OR10A6: variants seen among roughly 807,000 people sequenced by gnomAD.
OR10A6 encodes the protein olfactory receptor family 10 subfamily A member 6 (gene/pseudogene).
Under a neutral mutation model 1.5 loss-of-function variants are expected in OR10A6, and 2 were observed. That is an observed-to-expected ratio of 1.31 (90% CI 0.54 to 4.13). The LOEUF (loss-of-function observed/expected upper bound fraction) is 4.13, where lower values mean the gene tolerates loss of function less well. Among genes scored for constraint, OR10A6 ranks in the 30% most tolerant of loss-of-function variants. The pLI, the probability that OR10A6 is intolerant of heterozygous loss-of-function variation, is 0.07. For synonymous variants in OR10A6, 169 were observed against 137.3 expected (o/e 1.23, Z -1.61); for missense variants, 492 against 368.6 (o/e 1.33, Z -2.74).
Position 7,927,511 on chromosome 11 carries a change from A to G in OR10A6, c.*207T>C, listed in dbSNP as rs529508675. 159 of 456,222 alleles carry G rather than the reference A, an allele frequency of 3.5e-4. No homozygotes were observed. Among genetic ancestry groups the G allele is most frequent in the African/African-American group, 2.3e-3 (117 of 50,558 alleles). 28.3% of individuals were successfully genotyped at this position (456,222 alleles called of 1,614,324 possible). A position where few individuals can be genotyped will look rare whatever the true frequency, so the allele number is the denominator to read the frequency against. ...AAACAAATTGTTGAAATTGTGTTAT[A>G]TTCAATATTAAGGAATATTATGCAC... On this transcript the variant is annotated 3_prime_UTR_variant, in exon 4 of 4. Transcript: ENST00000641238.
At position 7,928,058 on chromosome 11, in the gene OR10A6, C is replaced by A; in HGVS notation, c.605G>T (p.Gly202Val). 1 of 1,613,798 alleles carries A rather than the reference C, an allele frequency of 6.2e-7. No individual in the cohort carries two copies. The highest frequency in any genetic ancestry group is 1.1e-5 in the South Asian group (1 of 91,066). The change falls in exon 4 of 4, where the codon GGC becomes GTC. Residue 202 changes from glycine (G) to valine (V), a missense_variant. Coordinates refer to ENST00000641238, the MANE Select transcript of OR10A6 (RefSeq NM_001004461.2). ...AGGAACCAAAATAATCAAAAAGGTGCCTGTGAATGCATAGATTTCAAACAA... is the reference window on the plus strand; with the variant it reads ...AGGAACCAAAATAATCAAAAAGGTGACTGTGAATGCATAGATTTCAAACAA... ...TFLFEIYAFT[G>V]TFLIILVPFL...
chr11:7,928,392 T>C lies in OR10A6; in HGVS notation c.271A>G (p.Thr91Ala). Residue 91 changes from threonine (T) to alanine (A), a missense_variant, in exon 4 of 4, where the codon ACA becomes GCA. Transcript: ENST00000641238. ...MLVVLSTEKTTISFGGCFAQM... is the reference protein window; with the variant it reads ...MLVVLSTEKTAISFGGCFAQM... ...GCAAAACAGCCCCCAAAAGAAATTGTAGTTTTTTCAGTAGAGAGGACCACC... is the reference window on the plus strand; with the variant it reads ...GCAAAACAGCCCCCAAAAGAAATTGCAGTTTTTTCAGTAGAGAGGACCACC... 1 of 1,613,996 alleles carries C rather than the reference T, an allele frequency of 6.2e-7. No individual in the cohort carries two copies. The highest frequency in any genetic ancestry group is 8.5e-7 in the Non-Finnish European group (1 of 1,179,956).
chr11:7,928,675 A>G lies in OR10A6; in HGVS notation c.-13T>C, dbSNP rs781072356. ...TTTGTCTTTCCATTTTCAGTAATGA[A>G]GTCGTGCATTGATTTTATGGACATA... is the stretch of plus-strand genomic sequence containing the variant. On this transcript the variant is annotated 5_prime_UTR_variant, in exon 4 of 4. Coordinates refer to ENST00000641238, the MANE Select transcript of OR10A6 (RefSeq NM_001004461.2). 6.4e-7 allele frequency: 1 copy of G among 1,567,882 alleles called. No individual in the cohort carries two copies. The highest frequency in any genetic ancestry group is 1.2e-5 in the South Asian group (1 of 85,076).
In OR10A6 at chr11:7,925,713, G is replaced by A. The variant is rs923512185; in HGVS notation, c.*2005C>T. ...GTTTTACATAAGTCTTACTTAATTG[G>A]TTCTTTTAAAAGCTATCAGAAGGAA... On this transcript the variant is annotated 3_prime_UTR_variant, in exon 4 of 4. Coordinates refer to ENST00000641238, the MANE Select transcript of OR10A6 (RefSeq NM_001004461.2). 1 of 152,108 alleles carries A rather than the reference G, an allele frequency of 6.6e-6. No individual in the cohort carries two copies. The highest frequency in any genetic ancestry group is 1.9e-4 in the East Asian group (1 of 5,194). The allele number at this position is 152,108 out of a possible 1,614,324, so 9.4% of individuals were successfully genotyped here.
rs1859436269 is a variant in OR10A6 at position 7,927,720 on chromosome 11, A to G, written c.943T>C (p.Ter315ArgextTer3). 1.9e-6 allele frequency: 3 copies of G among 1,599,972 alleles called. No homozygotes were observed. Among genetic ancestry groups the G allele is most frequent in the Non-Finnish European group, 2.6e-6 (3 of 1,167,608 alleles). The change falls in exon 4 of 4, where the codon TGA (stop) becomes CGA (arginine). Residue 315 changes from the stop codon to arginine, a stop_lost. Transcript: ENST00000641238. ...TCTTACATGGCTTCTCAACACAGTC[A>G]GATTGTGTGTAAAACCACTCGCCTT... ...WRRRVVLHTI[*>R] is the part of the protein sequence containing the mutation.
rs567512009 is a variant in OR10A6, at chr11:7,925,679, G to A, written c.*2039C>T. The A allele has an allele frequency of 3.3e-5, 5 of 152,300 alleles. No individual in the cohort carries two copies. Among genetic ancestry groups the A allele is most frequent in the African/African-American group, 1.2e-4 (5 of 41,572 alleles). 9.4% of individuals were successfully genotyped at this position (152,300 alleles called of 1,614,324 possible). On this transcript the variant is annotated 3_prime_UTR_variant, in exon 4 of 4. Coordinates refer to ENST00000641238, the MANE Select transcript of OR10A6 (RefSeq NM_001004461.2). ...AGCTTCCTTTGTTTGTTTCTTTGCT[G>A]ATTTGTTCGTTTTACATAAGTCTTA...
In OR10A6 at chr11:7,928,463, G is replaced by C. The variant is rs1429751640; in HGVS notation, c.200C>G (p.Ser67Cys). The C allele has an allele frequency of 3.7e-6, 6 of 1,613,852 alleles. No homozygotes were observed. The South Asian group carries it at 6.6e-5, about 18-fold the overall frequency. Residue 67 changes from serine (S) to cysteine (C), a missense_variant, in exon 4 of 4, where the codon TCT (serine) becomes TGT (cysteine). Ser to Cys is a moderately radical substitution (Grantham distance 112). Transcript: ENST00000641238. ...VPMYLFLLNL[S>C]VVDLSFSAVI... Reference sequence around the variant, plus strand: ...TGCACTGAAACTCAGGTCCACCACAGATAAGTTCAGGAGAAACAGGTACAT... The same window carrying C: ...TGCACTGAAACTCAGGTCCACCACACATAAGTTCAGGAGAAACAGGTACAT...
Position 7,929,975 on chromosome 11 carries a change from T to TATATATATATATATATATAC in OR10A6, c.-1314_-1313insGTATATATATATATATATAT, listed in dbSNP as rs1859502699. The TATATATATATATATATATAC allele has an allele frequency of 2.6e-4, 9 of 35,222 alleles. No homozygotes were observed. Among genetic ancestry groups the TATATATATATATATATATAC allele is most frequent in the African/African-American group, 7.1e-4 (9 of 12,596 alleles). 2.2% of individuals were successfully genotyped at this position (35,222 alleles called of 1,614,324 possible). On this transcript the variant is annotated 5_prime_UTR_variant, in exon 4 of 4. It adds an upstream start codon to the 5' untranslated region. Coordinates refer to ENST00000641238, the MANE Select transcript of OR10A6 (RefSeq NM_001004461.2). The stretch of plus-strand genomic sequence containing the variant: ...GTATGTGTATGTGTATGTATATATA[T>TATATATATATATATATATAC]ATATATATATATATATATAAAATCC...
chr11:7,927,696 C>G lies in OR10A6; in HGVS notation c.*22G>C, dbSNP rs376417938. 1 of 1,521,956 alleles carries G rather than the reference C, an allele frequency of 6.6e-7. No individual in the cohort carries two copies. The highest frequency in any genetic ancestry group is 1.4e-5 in the African/African-American group (1 of 73,040). The allele number at this position is 1,521,956 out of a possible 1,614,324, so 94.3% of individuals were successfully genotyped here. ...GAATACAGTCATGCAGTGACTAAATCTTACATGGCTTCTCAACACAGTCAG... is the reference window on the plus strand; with the variant it reads ...GAATACAGTCATGCAGTGACTAAATGTTACATGGCTTCTCAACACAGTCAG... On this transcript the variant is annotated 3_prime_UTR_variant, in exon 4 of 4. Transcript: ENST00000641238.
rs1164447835 is a variant in OR10A6, at chr11:7,925,660, C to T, written c.*2058G>A. On this transcript the variant is annotated 3_prime_UTR_variant, in exon 4 of 4. Coordinates refer to ENST00000641238, the MANE Select transcript of OR10A6 (RefSeq NM_001004461.2). ...AAAAAGACTTTCTGTATTTAGCTTCCTTTGTTTGTTTCTTTGCTGATTTGT... is the reference window on the plus strand; with the variant it reads ...AAAAAGACTTTCTGTATTTAGCTTCTTTTGTTTGTTTCTTTGCTGATTTGT... 6.6e-6 allele frequency: 1 copy of T among 152,028 alleles called. No individual in the cohort carries two copies. The highest frequency in any genetic ancestry group is 6.6e-5 in the Admixed American group (1 of 15,266). The allele number at this position is 152,028 out of a possible 1,614,324, so 9.4% of individuals were successfully genotyped here. A position where few individuals can be genotyped will look rare whatever the true frequency, so the allele number is the denominator to read the frequency against.
rs2133606994 is a variant in OR10A6, at chr11:7,928,089, T to C, written c.574A>G (p.Thr192Ala). Residue 192 changes from threonine (T) to alanine (A), a missense_variant, in exon 4 of 4, where the codon ACG becomes GCG. Coordinates refer to ENST00000641238, the MANE Select transcript of OR10A6 (RefSeq NM_001004461.2). Reference sequence around the variant, plus strand: ...AATGCATAGATTTCAAACAAAAACGTGTCTGCACATGCAAGTTCTAACACT... The same window carrying C: ...AATGCATAGATTTCAAACAAAAACGCGTCTGCACATGCAAGTTCTAACACT... ...PAVLELACADTFLFEIYAFTG... is the reference protein window; with the variant it reads ...PAVLELACADAFLFEIYAFTG... 1 of 1,613,960 alleles carries C rather than the reference T, an allele frequency of 6.2e-7. No individual in the cohort carries two copies. The highest frequency in any genetic ancestry group is 2.2e-5 in the East Asian group (1 of 44,862).
Position 7,927,923 on chromosome 11 carries a change from G to C in OR10A6, c.740C>G (p.Ser247Cys). 2 of 1,614,012 alleles carry C rather than the reference G, an allele frequency of 1.2e-6. No individual in the cohort carries two copies. Among genetic ancestry groups the C allele is most frequent in the Non-Finnish European group, 1.7e-6 (2 of 1,180,000 alleles). ...AFSTCAAHLT[S>C]VTLFYGTASM... Reference sequence around the variant, plus strand: ...GGCTGTGCCATAGAATAGGGTCACAGATGTGAGGTGAGCGGCACAGGTGGA... The same window carrying C: ...GGCTGTGCCATAGAATAGGGTCACACATGTGAGGTGAGCGGCACAGGTGGA... Residue 247 changes from serine to cysteine, a missense_variant, in exon 4 of 4, where the codon TCT becomes TGT. Ser to Cys is a moderately radical substitution (Grantham distance 112). Transcript: ENST00000641238.
In OR10A6 at chr11:7,927,713, C is replaced by G; in HGVS notation, c.*5G>C. On this transcript the variant is annotated 3_prime_UTR_variant, in exon 4 of 4. Transcript: ENST00000641238. ...GACTAAATCTTACATGGCTTCTCAA[C>G]ACAGTCAGATTGTGTGTAAAACCAC... 6.3e-7 allele frequency: 1 copy of G among 1,591,234 alleles called. No individual in the cohort carries two copies. Among genetic ancestry groups the G allele is most frequent in the Non-Finnish European group, 8.6e-7 (1 of 1,160,444 alleles).
rs1201431959 is a variant in OR10A6, at chr11:7,925,101, G to T, written c.*2617C>A. ...GGTTTTCTCTATTAAAGAAAAAGGA[G>T]AATGGGCATAAACTAGAAAACTAGC... On this transcript the variant is annotated 3_prime_UTR_variant, in exon 4 of 4. Coordinates refer to ENST00000641238, the MANE Select transcript of OR10A6 (RefSeq NM_001004461.2). The T allele has an allele frequency of 1.3e-5, 2 of 151,868 alleles. No homozygotes were observed. The highest frequency in any genetic ancestry group is 2.9e-5 in the Non-Finnish European group (2 of 67,960). The allele number at this position is 151,868 out of a possible 1,614,324, so 9.4% of individuals were successfully genotyped here. A position where few individuals can be genotyped will look rare whatever the true frequency, so the allele number is the denominator to read the frequency against.
rs184059517 is a variant in OR10A6, at chr11:7,930,828, G to A, written c.-1854+33C>T. ...TTATACCTTAGAAGATCTTCATGGT[G>A]TCTTGGATAGATCACTGACAAGTAA... On this transcript the variant is annotated intron_variant, in intron 3 of 3. Coordinates refer to ENST00000641238, the MANE Select transcript of OR10A6 (RefSeq NM_001004461.2). 9 of 152,266 alleles carry A rather than the reference G, an allele frequency of 5.9e-5. No individual in the cohort carries two copies. The East Asian group carries it at 1.7e-3, about 29-fold the overall frequency. The allele number at this position is 152,266 out of a possible 1,614,324, so 9.4% of individuals were successfully genotyped here. A position where few individuals can be genotyped will look rare whatever the true frequency, so the allele number is the denominator to read the frequency against.
Position 7,928,572 on chromosome 11 carries a change from A to C in OR10A6, c.91T>G (p.Phe31Val). 5 of 1,613,918 alleles carry C rather than the reference A, an allele frequency of 3.1e-6. No individual in the cohort carries two copies. The highest frequency in any genetic ancestry group is 4.2e-6 in the Non-Finnish European group (5 of 1,179,872). Residue 31 changes from phenylalanine to valine, a missense_variant, in exon 4 of 4, where the codon TTC becomes GTC. Physicochemically the swap from Phe to Val is conservative, Grantham distance 50. Transcript: ENST00000641238. Reference sequence around the variant, plus strand: ...AGGGTCACCAGATAAATAACCAGGAAAGCCACAAAGAGCTGCCCCTGGAGC... The same window carrying C: ...AGGGTCACCAGATAAATAACCAGGACAGCCACAAAGAGCTGCCCCTGGAGC... ...PELQGQLFVA[F>V]LVIYLVTLIG... is the part of the protein sequence containing the mutation.
At position 7,925,893 on chromosome 11, in the gene OR10A6, A is replaced by G. The variant is rs990002023; in HGVS notation, c.*1825T>C. The G allele has an allele frequency of 6.6e-6, 1 of 152,202 alleles. No individual in the cohort carries two copies. Among genetic ancestry groups the G allele is most frequent in the African/African-American group, 2.4e-5 (1 of 41,456 alleles). 9.4% of individuals were successfully genotyped at this position (152,202 alleles called of 1,614,324 possible). On this transcript the variant is annotated 3_prime_UTR_variant, in exon 4 of 4. Coordinates refer to ENST00000641238, the MANE Select transcript of OR10A6 (RefSeq NM_001004461.2). The stretch of plus-strand genomic sequence containing the variant: ...GCAGATGGGGTGGGTTCCTGGTGAA[A>G]CCCCACCTCTAAACAAAAGACAGTT...
rs55811645 is a variant in OR10A6 at position 7,929,755 on chromosome 11, T to TATATATATATATATACATAC, written c.-1094_-1093insGTATGTATATATATATATAT. ...ATATATATATATATATATATATATA[T>TATATATATATATATACATAC]ACACACACATGCACACATATATATA... On this transcript the variant is annotated 5_prime_UTR_variant, in exon 4 of 4. In the 5' UTR this introduces an upstream ATG that the reference lacks. Coordinates refer to ENST00000641238, the MANE Select transcript of OR10A6 (RefSeq NM_001004461.2). 12 of 97,264 alleles carry TATATATATATATATACATAC rather than the reference T, an allele frequency of 1.2e-4. No homozygotes were observed. The highest frequency in any genetic ancestry group is 4.3e-4 in the African/African-American group (12 of 28,006). The allele number at this position is 97,264 out of a possible 1,614,324, so 6.0% of individuals were successfully genotyped here.
chr11:7,930,033 TTTTG>T lies in OR10A6; in HGVS notation c.-1375_-1372del, dbSNP rs1000496708. 1.3e-5 allele frequency: 1 copy of T among 79,352 alleles called. No homozygotes were observed. Among genetic ancestry groups the T allele is most frequent in the Non-Finnish European group, 2.4e-5 (1 of 42,294 alleles). The allele number at this position is 79,352 out of a possible 1,614,324, so 4.9% of individuals were successfully genotyped here. A position where few individuals can be genotyped will look rare whatever the true frequency, so the allele number is the denominator to read the frequency against. On this transcript the variant is annotated 5_prime_UTR_variant, in exon 4 of 4. Coordinates refer to ENST00000641238, the MANE Select transcript of OR10A6 (RefSeq NM_001004461.2). ...GAGCTTAGCTCCCAGAGGGCAAAGA[TTTTG>T]TTTGCTTCTTTGCTCTACACACACT...
Sources: allele counts gnomAD v4.1 joint callset, GRCh38; gene constraint gnomAD v4.1.1; transcripts MANE v1.5; gene names NCBI Gene and HGNC (gene_info 2026-07-23, HGNC 2026-07-21).